Variants in TNRC6A observed in about 807,000 individuals in gnomAD.
TNRC6A encodes the protein trinucleotide repeat-containing gene 6A protein.
A neutral mutation model predicts 221.2 loss-of-function variants in TNRC6A; 44 were observed. That is an observed-to-expected ratio of 0.20 (90% CI 0.16 to 0.26). The LOEUF (loss-of-function observed/expected upper bound fraction) is 0.26. Among genes scored for constraint, TNRC6A ranks in the 10% least tolerant of loss-of-function variants. The pLI, the probability that TNRC6A is intolerant of heterozygous loss-of-function variation, is 1.00. For synonymous variants in TNRC6A, 847 were observed against 838.5 expected (o/e 1.01, Z -0.18); for missense variants, 2,199 against 2,404.4 (o/e 0.91, Z 1.79).
At chr16:24,765,951 T>C (rs2057463348) in intron 4 of TNRC6A, among the ~76,000 whole-genome samples, 1 of 152,208 alleles carries the variant, frequency 6.6e-6, no homozygotes, top group African/African-American at 2.4e-5. Flanking sequence ...CTAACAAACG[T>C]AGATTTGTTG....
intron 2 of TNRC6A, among the ~76,000 whole-genome samples, chr16:24,645,960 C>T (rs1405396141): frequency 4.7e-5 from 7 of 148,592 alleles, no homozygotes; most frequent in Non-Finnish European, 1.0e-4. Context: ...CAGAGGTTGC[C>T]GTGAGCCAAG....
intron 2 of TNRC6A, among the ~76,000 whole-genome samples, chr16:24,730,747 C>T (rs1228296278): frequency 1.8e-5 from 1 of 56,224 alleles, no homozygotes; most frequent in Non-Finnish European, 3.2e-5. Flanking sequence ...CCCCGCCCCC[C>T]CCCCCCCCCC....
At chr16:24,694,394 G>A (rs62027726) in intron 2 of TNRC6A, among the ~76,000 whole-genome samples, 3 of 152,030 alleles carry the variant, frequency 2.0e-5, no homozygotes, top group African/African-American at 4.8e-5. Flanking sequence ...GGTGGCTCAC[G>A]CTTGTAATCC....
chr16:24,823,096 G>A lies in TNRC6A; in HGVS notation c.5513+83G>A. ...CAGCCTGACCCGGGGCAGTGCACAG[G>A]GTCCTGCGTGGGTGGCTCCTGCTGG... On this transcript the variant is annotated intron_variant, in intron 24 of 24. Transcript: ENST00000395799. The surrounding 1 kb of genome is among the most constrained non-coding windows in gnomAD (Gnocchi z 4.3). 6.4e-7 allele frequency: 1 copy of A among 1,570,720 alleles called. No homozygotes were observed. The highest frequency in any genetic ancestry group is 1.2e-5 in the South Asian group (1 of 86,718).
chr16:24,794,415 G>C, intron 7 of TNRC6A, 129 bp from the exon 8 acceptor site: 1 of 837,336 alleles, frequency 1.2e-6, no homozygotes, highest in Non-Finnish European at 1.8e-6. Flanking sequence ...TGCAGATGCA[G>C]GAAGGGAAAT....
intron 5 of TNRC6A, among the ~76,000 whole-genome samples, chr16:24,785,898 G>A (rs2057955963): frequency 6.6e-6 from 1 of 152,220 alleles, no homozygotes; most frequent in South Asian, 2.1e-4. Context: ...TTGGAAAAAA[G>A]ATGTATGGAT....
chr16:24,725,331 C>T (rs149273083), upstream of TNRC6A, among the ~76,000 whole-genome samples: 401 of 152,250 alleles, frequency 2.6e-3, 4 homozygotes, highest in African/African-American at 9.3e-3. Flanking sequence ...CACCACCACA[C>T]CTGGCTAACT....
intron 2 of TNRC6A, among the ~76,000 whole-genome samples, chr16:24,711,170 C>T (rs947452216): frequency 4.6e-5 from 7 of 151,690 alleles, no homozygotes; most frequent in African/African-American, 1.7e-4. Context: ...TTGCACCTGG[C>T]CAAATTTTTG....
chr16:24,778,982 A>G (rs1248032164), intron 5 of TNRC6A, among the ~76,000 whole-genome samples: 4 of 152,238 alleles, frequency 2.6e-5, no homozygotes, highest in African/African-American at 7.2e-5. Flanking sequence ...GAAGTGGGAT[A>G]GTATATTTAG....
intron 10 of TNRC6A, 104 bp downstream of exon 10, chr16:24,797,674 G>A (rs2058247744): frequency 1.9e-6 from 2 of 1,060,216 alleles, no homozygotes. Flanking sequence ...GAGTCCTTAG[G>A]AATGTACTTG....
At chr16:24,738,655 TG>T (rs377093592) in intron 2 of TNRC6A, among the ~76,000 whole-genome samples, 2 of 152,362 alleles carry the variant, frequency 1.3e-5, no homozygotes, top group African/African-American at 4.8e-5. Context: ...TTTCATTGTA[TG>T]GCTATTGCCC....
chr16:24,789,769 A>G lies in TNRC6A; in HGVS notation c.1127A>G (p.Asn376Ser), dbSNP rs1408628136. Reference protein sequence around the residue: ...NHGAWPVLENNGLALKGPVGS... With the variant: ...NHGAWPVLENSGLALKGPVGS... ...GGTGCCTGGCCAGTATTAGAGAACA[A>G]TGGACTTGCCCTAAAAGGGCCTGTA... is the stretch of plus-strand genomic sequence containing the variant. Residue 376 changes from asparagine to serine, a missense_variant, in exon 6 of 25, where the codon AAT becomes AGT. By Grantham distance (46) the Asn-to-Ser change is conservative. Around this residue, in one of 8 missense-constraint regions of TNRC6A, gnomAD observed 1,405 missense variants for 1,400.2 expected, o/e 1.00. Transcript: ENST00000395799. 3 of 1,614,080 alleles carry G rather than the reference A, an allele frequency of 1.9e-6. No homozygotes were observed. Among genetic ancestry groups the G allele is most frequent in the African/African-American group, 2.7e-5 (2 of 74,950 alleles).
At chr16:24,729,964 C>G (rs917578855) in intron 1 of TNRC6A, 118 bp downstream of exon 1, 1 of 979,416 alleles carries the variant, frequency 1.0e-6, no homozygotes, top group African/African-American at 1.7e-5. Flanking sequence ...AGACTTCGGG[C>G]CTCGGCGGGA....
At chr16:24,673,234 T>C (rs949774267) in intron 2 of TNRC6A, among the ~76,000 whole-genome samples, 4 of 152,182 alleles carry the variant, frequency 2.6e-5, no homozygotes, top group Non-Finnish European at 5.9e-5. Context: ...TTCTTTCAAC[T>C]TTTCTGTGTG....
chr16:24,611,450 G>C (rs779051361), intron 1 of TNRC6A, among the ~76,000 whole-genome samples: 50 of 152,246 alleles, frequency 3.3e-4, no homozygotes, highest in Admixed American at 1.4e-3. Flanking sequence ...AGCTCAGCAA[G>C]GGAATGATCA....
intron 1 of TNRC6A, among the ~76,000 whole-genome samples, chr16:24,633,958 T>G (rs1901489162): frequency 6.6e-6 from 1 of 151,982 alleles, no homozygotes; most frequent in Admixed American, 6.6e-5. Flanking sequence ...TTTTGTATCT[T>G]TATTAGAGAC....
At chr16:24,675,692 CTCTCTCTCTCTATA>C (rs1401404140) in intron 2 of TNRC6A, among the ~76,000 whole-genome samples, 32 of 85,784 alleles carry the variant, frequency 3.7e-4, no homozygotes, top group African/African-American at 1.3e-3. Context: ...CTCTCTCTCT[CTCTCTCTCTCTATA>C]TATATATATA....
At chr16:24,736,636 AGGT>A (rs2056774709) in intron 2 of TNRC6A, among the ~76,000 whole-genome samples, 1 of 152,178 alleles carries the variant, frequency 6.6e-6, no homozygotes, top group African/African-American at 2.4e-5. Context: ...GATTAGGTTC[AGGT>A]TGACCCTTTT....
intron 1 of TNRC6A, among the ~76,000 whole-genome samples, chr16:24,633,601 G>T (rs1281626729): frequency 6.6e-6 from 1 of 151,866 alleles, no homozygotes; most frequent in East Asian, 1.9e-4. Context: ...CACCATATTG[G>T]CCAGGCAGAC....
Sources: gnomAD v4.1 joint callset for allele counts (sites outside exome capture counted in the v4.1 genomes callset) on GRCh38, gnomAD v4.1.1 for gene constraint, gnomAD v4.1.1 regional missense constraint, Gnocchi (gnomAD v3.1) non-coding constraint, MANE v1.5 for transcripts, NCBI Gene and HGNC (gene_info 2026-07-23, HGNC 2026-07-21) for gene names.